KLF12: variants seen among roughly 807,000 people sequenced by gnomAD.
KLF12 encodes Krueppel-like factor 12.
Under a neutral mutation model 37.8 loss-of-function variants are expected in KLF12, and 9 were observed. The ratio of observed to expected loss-of-function variants is 0.24; its 90% CI spans 0.14 to 0.42. The LOEUF is 0.42. Among genes scored for constraint, KLF12 ranks in the 10% least tolerant of loss-of-function variants. KLF12 has a pLI of 1.00. For missense variants in KLF12, 411 were observed against 516.0 expected (o/e 0.80, Z 1.97); for synonymous variants, 208 against 202.1 (o/e 1.03, Z -0.25).
chr13:73,806,391 G>A (rs942683683), intron 5 of KLF12, among the ~76,000 whole-genome samples: 14 of 151,968 alleles, frequency 9.2e-5, no homozygotes, highest in African/African-American at 3.1e-4. Flanking sequence ...GTGAGCCACC[G>A]TGCCCAACTT....
chr13:74,302,906 G>A, the KLF12 span, among the ~76,000 whole-genome samples: 3 of 152,026 alleles, frequency 2.0e-5, no homozygotes, highest in African/African-American at 7.2e-5. Context: ...CCATGCCTTG[G>A]GTCAGGGCCT....
At chr13:74,016,772 T>G (rs564455987) in intron 1 of KLF12, among the ~76,000 whole-genome samples, 1 of 152,160 alleles carries the variant, frequency 6.6e-6, no homozygotes, top group Non-Finnish European at 1.5e-5. Flanking sequence ...ATTCTACTTT[T>G]AGAAACATGC....
At chr13:73,941,797 G>T (rs1218821384) in intron 3 of KLF12, among the ~76,000 whole-genome samples, 2 of 151,896 alleles carry the variant, frequency 1.3e-5, no homozygotes, top group African/African-American at 2.4e-5. Context: ...CTACAAAAGA[G>T]AATGAAATTG....
chr13:73,895,466 A>T (rs1367731328), intron 3 of KLF12, among the ~76,000 whole-genome samples: 3 of 152,244 alleles, frequency 2.0e-5, no homozygotes, highest in Non-Finnish European at 4.4e-5. Flanking sequence ...AATTTTTCAT[A>T]TATGAAATTA....
intron 6 of KLF12, among the ~76,000 whole-genome samples, chr13:73,752,703 C>T (rs1225448388): frequency 6.6e-5 from 10 of 150,762 alleles, no homozygotes; most frequent in Non-Finnish European, 5.9e-5. Context: ...CTTCCTCACT[C>T]ATTCCCCTGC....
At chr13:74,248,838 G>A in the KLF12 span, among the ~76,000 whole-genome samples, 1 of 152,102 alleles carries the variant, frequency 6.6e-6, no homozygotes, top group Non-Finnish European at 1.5e-5. Flanking sequence ...CAGAACCAAA[G>A]GTGTGAGCCA....
At chr13:74,048,419 G>A (rs1244012980) in intron 1 of KLF12, among the ~76,000 whole-genome samples, 3 of 150,840 alleles carry the variant, frequency 2.0e-5, no homozygotes, top group South Asian at 4.2e-4. Flanking sequence ...GTTCTCTCAA[G>A]GACTGTTTTT....
intron 1 of KLF12, among the ~76,000 whole-genome samples, chr13:74,041,740 A>T (rs1324175280): frequency 6.7e-6 from 1 of 149,298 alleles, no homozygotes; most frequent in Admixed American, 6.6e-5. Context: ...ACACCCCTTC[A>T]AAACAGAAAA....
the KLF12 span, among the ~76,000 whole-genome samples, chr13:74,287,050 T>C: frequency 6.6e-6 from 1 of 152,206 alleles, no homozygotes. Flanking sequence ...ACATGGCTCT[T>C]TCCTAGCCCT....
At chr13:74,046,823 C>CTA (rs781046489) in intron 1 of KLF12, among the ~76,000 whole-genome samples, 10 of 152,048 alleles carry the variant, frequency 6.6e-5, no homozygotes, top group Non-Finnish European at 1.3e-4. Flanking sequence ...CTACTGTGTC[C>CTA]TATAAAGGCA....
intron 5 of KLF12, among the ~76,000 whole-genome samples, chr13:73,810,666 A>ACACACACACAC (rs1594117764): frequency 1.8e-5 from 2 of 109,854 alleles, no homozygotes; most frequent in East Asian, 7.3e-4. Context: ...CACACACACA[A>ACACACACACAC]ATTAAATACA....
intron 2 of KLF12, among the ~76,000 whole-genome samples, chr13:73,957,341 A>C (rs1478051051): frequency 6.6e-6 from 1 of 152,208 alleles, no homozygotes; most frequent in Non-Finnish European, 1.5e-5. Flanking sequence ...TTTCTCCAAC[A>C]AACAAGTGCA....
chr13:73,968,458 T>C (rs1026474569), intron 2 of KLF12, among the ~76,000 whole-genome samples: 3 of 152,200 alleles, frequency 2.0e-5, no homozygotes, highest in Admixed American at 6.5e-5. Flanking sequence ...GCTTCTATTT[T>C]ACCTAATATT....
At chr13:74,041,506 A>C (rs981213599) in intron 1 of KLF12, among the ~76,000 whole-genome samples, 4 of 152,122 alleles carry the variant, frequency 2.6e-5, no homozygotes, top group Non-Finnish European at 4.4e-5. Context: ...TCTCAAATTC[A>C]AGCATTGTGT....
chr13:74,232,140 G>C, the KLF12 span, among the ~76,000 whole-genome samples: 1 of 152,140 alleles, frequency 6.6e-6, no homozygotes, highest in South Asian at 2.1e-4. Flanking sequence ...CAGAGGAAGA[G>C]GTTGTGGGAC....
At chr13:74,083,532 ACACAC>A (rs1875065008) in intron 1 of KLF12, among the ~76,000 whole-genome samples, 1 of 151,672 alleles carries the variant, frequency 6.6e-6, no homozygotes, top group Non-Finnish European at 1.5e-5. Context: ...ACACACACAC[ACACAC>A]ACAAACATTT....
At chr13:74,231,437 A>ACTT in the KLF12 span, 1 of 152,290 alleles carries the variant, frequency 6.6e-6, no homozygotes, top group African/African-American at 2.4e-5. Flanking sequence ...GGTAAGGCAG[A>ACTT]CTTGTGAACT....
At chr13:73,806,488 C>T (rs1396112104) in intron 5 of KLF12, among the ~76,000 whole-genome samples, 3 of 151,880 alleles carry the variant, frequency 2.0e-5, no homozygotes, top group Admixed American at 6.6e-5. Flanking sequence ...GTCTCAGCCT[C>T]GAGTAGCTGG....
At chr13:74,106,506 T>C (rs1379452350) in intron 1 of KLF12, among the ~76,000 whole-genome samples, 1 of 152,218 alleles carries the variant, frequency 6.6e-6, no homozygotes, top group Non-Finnish European at 1.5e-5. Flanking sequence ...GTATAAATTT[T>C]CTTGGAATGT....
Sources: gnomAD v4.1 joint callset for allele counts (sites outside exome capture counted in the v4.1 genomes callset) on GRCh38, gnomAD v4.1.1 for gene constraint, MANE v1.5 for transcripts, NCBI Gene and HGNC (gene_info 2026-07-23, HGNC 2026-07-21) for gene names.